Variants in POU2F3 observed in about 807,000 individuals in gnomAD.
POU2F3 encodes POU class 2 homeobox 3.
A neutral mutation model predicts 59.2 loss-of-function variants in POU2F3; 23 were observed. That is an observed-to-expected ratio of 0.39 (90% confidence interval 0.28 to 0.55). POU2F3 has a LOEUF of 0.55. Among genes scored for constraint, POU2F3 ranks in the 20% least tolerant of loss-of-function variants. POU2F3 has a pLI of 0.66. For synonymous variants in POU2F3, 190 were observed against 214.6 expected (o/e 0.89, Z 1.00); for missense variants, 473 against 544.5 (o/e 0.87, Z 1.31).
At chr11:120,295,041 AC>A (rs1295640760) in intron 3 of POU2F3, among the ~76,000 whole-genome samples, 2 of 152,246 alleles carry the variant, frequency 1.3e-5, no homozygotes, top group African/African-American at 4.8e-5. Flanking sequence ...CCCCAAACTT[AC>A]ACCCAAAGGG....
intron 9 of POU2F3, among the ~76,000 whole-genome samples, 159 bp downstream of exon 9, chr11:120,307,774 G>T (rs1318585704): frequency 6.6e-6 from 1 of 152,170 alleles, no homozygotes; most frequent in Admixed American, 6.5e-5. Context: ...CCAGGTATTG[G>T]AGTGCAAAGC....
rs1941757370 is a variant in POU2F3, at chr11:120,315,361, G to GT, written c.1070dup (p.Ser358IlefsTer52). 6.2e-7 allele frequency: 1 copy of GT among 1,612,004 alleles called. No individual in the cohort carries two copies. Among genetic ancestry groups the GT allele is most frequent in the Non-Finnish European group, 8.5e-7 (1 of 1,178,204 alleles). ...TTTACAAGCTTCTGTTGTTTTTCAG[G>GT]TATCTCCCTCAGGGTCTCTGGGCCC... On this transcript the variant is annotated frameshift_variant and splice_region_variant, in exon 11 of 13. Coordinates refer to ENST00000543440, the MANE Select transcript of POU2F3 (RefSeq NM_014352.4). LOFTEE classifies it high-confidence loss of function.
chr11:120,283,751 CCTGTGTGCCTTAA>C (rs1444999999), intron 3 of POU2F3, among the ~76,000 whole-genome samples: 2 of 147,800 alleles, frequency 1.4e-5, no homozygotes, highest in Admixed American at 1.4e-4. Flanking sequence ...ACTACCTCCA[CCTGTGTGCCTTAA>C]TAGGCTTCGT....
intron 1 of POU2F3, among the ~76,000 whole-genome samples, chr11:120,244,957 G>C (rs142901147): frequency 4.6e-5 from 7 of 152,086 alleles, no homozygotes; most frequent in African/African-American, 7.2e-5. Context: ...TAGGAGGGGA[G>C]GGGGTGGGGT....
intron 5 of POU2F3, among the ~76,000 whole-genome samples, 171 bp downstream of exon 5, chr11:120,299,897 G>T (rs1399805889): frequency 6.6e-6 from 1 of 152,214 alleles, no homozygotes; most frequent in East Asian, 1.9e-4. Flanking sequence ...CCCTGGCAAT[G>T]CTCCTCCAGG....
upstream of POU2F3, among the ~76,000 whole-genome samples, chr11:120,238,765 G>A (rs1565347574): frequency 6.7e-6 from 1 of 148,638 alleles, no homozygotes; most frequent in Non-Finnish European, 1.5e-5. Flanking sequence ...AGGAGGTGGA[G>A]GTTGCAGTGA....
At chr11:120,266,830 G>A (rs1285890721) in intron 2 of POU2F3, among the ~76,000 whole-genome samples, 1 of 152,124 alleles carries the variant, frequency 6.6e-6, no homozygotes, top group Admixed American at 6.5e-5. Context: ...TCTTTCTTAT[G>A]TCTTCTCAAC....
chr11:120,238,961 C>A (rs903243297), upstream of POU2F3, among the ~76,000 whole-genome samples: 4 of 151,428 alleles, frequency 2.6e-5, no homozygotes, highest in Non-Finnish European at 4.4e-5. Context: ...ACTAAAGGCA[C>A]GAAAGATGCC....
intron 2 of POU2F3, among the ~76,000 whole-genome samples, chr11:120,262,170 G>T (rs560890844): frequency 6.6e-6 from 1 of 152,298 alleles, no homozygotes; most frequent in South Asian, 2.1e-4. Flanking sequence ...TTCCCTCAAT[G>T]AACCTTTTCA....
intron 3 of POU2F3, among the ~76,000 whole-genome samples, chr11:120,277,052 CA>C (rs1483697625): frequency 6.6e-6 from 1 of 151,804 alleles, no homozygotes; most frequent in Admixed American, 6.6e-5. Flanking sequence ...ATACAAAATA[CA>C]AAAATAAAAA....
intron 3 of POU2F3, among the ~76,000 whole-genome samples, chr11:120,273,644 G>C (rs952042194): frequency 6.6e-6 from 1 of 152,166 alleles, no homozygotes; most frequent in Non-Finnish European, 1.5e-5. Context: ...GGGAGGATGA[G>C]TGATGAACTG....
chr11:120,238,579 G>A (rs1156263486), upstream of POU2F3, among the ~76,000 whole-genome samples: 1 of 152,064 alleles, frequency 6.6e-6, no homozygotes, highest in African/African-American at 2.4e-5. Flanking sequence ...GCTCACACAT[G>A]TCATCCCAGC....
At chr11:120,236,712 A>C, upstream of POU2F3, 1 of 1,485,740 alleles carries the variant, frequency 6.7e-7, no homozygotes, top group Non-Finnish European at 9.1e-7. Flanking sequence ...GAAGGGGTAA[A>C]GGAGTTCTCT....
chr11:120,303,857 G>C (rs1459665816), intron 6 of POU2F3: 2 of 152,298 alleles, frequency 1.3e-5, no homozygotes, highest in East Asian at 3.9e-4. Flanking sequence ...AATCAAAAAG[G>C]AGAGAAGAGG....
intron 5 of POU2F3, chr11:120,301,607 G>A (rs1321950836): frequency 6.5e-6 from 1 of 153,698 alleles, no homozygotes; most frequent in Non-Finnish European, 1.4e-5. Flanking sequence ...CTGGGAGAGT[G>A]AGCCACCAAC....
chr11:120,277,804 A>G (rs138921841), intron 3 of POU2F3, among the ~76,000 whole-genome samples: 1 of 152,342 alleles, frequency 6.6e-6, no homozygotes, highest in African/African-American at 2.4e-5. Flanking sequence ...AGATATACAA[A>G]TAAAAATCAG....
At chr11:120,246,547 G>A in intron 2 of POU2F3, 30 bp downstream of exon 2, 1 of 1,606,750 alleles carries the variant, frequency 6.2e-7, no homozygotes, top group Non-Finnish European at 8.5e-7. Flanking sequence ...GGGGATGGAG[G>A]GGGTGGGGGG....
chr11:120,302,175 T>G, intron 5 of POU2F3, 111 bp from the exon 6 acceptor site: 2 of 881,062 alleles, frequency 2.3e-6, no homozygotes, highest in Non-Finnish European at 3.6e-6. Flanking sequence ...AGGGACCTGA[T>G]CAGGTGGCAG....
chr11:120,267,602 TG>T (rs1343777959), intron 2 of POU2F3, among the ~76,000 whole-genome samples: 1 of 68,570 alleles, frequency 1.5e-5, no homozygotes, highest in Non-Finnish European at 2.4e-5. Flanking sequence ...GGGCTGTACT[TG>T]CCCATGGTTG....
Sources: allele counts gnomAD v4.1 joint callset (sites outside exome capture counted in the v4.1 genomes callset), GRCh38; gene constraint gnomAD v4.1.1; transcripts MANE v1.5; gene names NCBI Gene and HGNC (gene_info 2026-07-23, HGNC 2026-07-21).